PTK2: variants seen among roughly 807,000 people sequenced by gnomAD.
The protein encoded by PTK2 is protein tyrosine kinase 2.
Under a neutral mutation model 150.1 loss-of-function variants are expected in PTK2, and 45 were observed. That is an observed-to-expected ratio of 0.30 (90% CI 0.24 to 0.38). The LOEUF (loss-of-function observed/expected upper bound fraction) is 0.38. Ranked by LOEUF, PTK2 falls within the 10% of genes least tolerant of loss-of-function variation. The pLI is 1.00. For missense variants in PTK2, 919 were observed against 1,307.3 expected, an observed-to-expected ratio of 0.70 and a Z score of 4.58; for synonymous variants, 432 against 449.2, an observed-to-expected ratio of 0.96 and a Z score of 0.48.
At chr8:140,724,185 C>G (rs1319688226) in intron 22 of PTK2, among the ~76,000 whole-genome samples, 1 of 152,166 alleles carries the variant, frequency 6.6e-6, no homozygotes, top group Non-Finnish European at 1.5e-5. Flanking sequence ...GGAGATCCTG[C>G]CTACTTGAAC....
chr8:140,823,835 C>T (rs2100110310), intron 8 of PTK2, among the ~76,000 whole-genome samples: 1 of 152,166 alleles, frequency 6.6e-6, no homozygotes. Context: ...TGAGGCCAGG[C>T]CCTGTATTTT....
At chr8:140,685,730 C>A (rs1243579283) in intron 27 of PTK2, among the ~76,000 whole-genome samples, 1 of 152,094 alleles carries the variant, frequency 6.6e-6, no homozygotes, top group Non-Finnish European at 1.5e-5. Flanking sequence ...ATTAAAAAGT[C>A]AAAAAATTAA....
chr8:140,783,056 T>A lies in PTK2; in HGVS notation c.1177+6418A>T, dbSNP rs567347683. ...GAGTTTGAGACCAGCCTGGGCAACA[T>A]AGGGAGACCCCGTCTCTACAAAAAA... On this transcript the variant is annotated intron_variant, in intron 14 of 31. Transcript: ENST00000522684. Among the ~76,000 whole-genome samples the A allele has an allele frequency of 3.3e-5, 5 of 151,996 alleles. No individual in the cohort carries two copies. In the East Asian group the frequency reaches 9.7e-4, roughly 29 times the overall value.
chr8:140,966,642 T>C (rs1232059805), intron 1 of PTK2, among the ~76,000 whole-genome samples: 1 of 152,208 alleles, frequency 6.6e-6, no homozygotes, highest in Non-Finnish European at 1.5e-5. Context: ...AATTATAAAA[T>C]TAAAAGTCTT....
chr8:140,955,848 G>A (rs1359025899), intron 1 of PTK2, among the ~76,000 whole-genome samples: 2 of 152,216 alleles, frequency 1.3e-5, no homozygotes, highest in East Asian at 1.9e-4. Context: ...AGAAGGTGGA[G>A]GCATAAAGGA....
chr8:140,789,454 T>A lies in PTK2; in HGVS notation c.1177+20A>T, dbSNP rs2100087074. On this transcript the variant is annotated intron_variant, in intron 14 of 31. Coordinates refer to ENST00000522684, the Ensembl canonical transcript of PTK2. The stretch of plus-strand genomic sequence containing the variant: ...CCCCATGAGAGTGCTTTTCGAGGTC[T>A]GCTACCTAGAGCCCCTTACCTGACA... 1 of 1,611,340 alleles carries A rather than the reference T, an allele frequency of 6.2e-7. No individual in the cohort carries two copies. The highest frequency in any genetic ancestry group is 1.7e-5 in the Admixed American group (1 of 59,158).
chr8:140,974,278 C>T (rs1401096807), intron 1 of PTK2, among the ~76,000 whole-genome samples: 1 of 152,156 alleles, frequency 6.6e-6, no homozygotes, highest in Non-Finnish European at 1.5e-5. Context: ...ACTATTTACA[C>T]ATTTCTAATC....
At chr8:140,717,642 T>G in exon 23 of PTK2, 2 of 1,614,132 alleles carry the variant, frequency 1.2e-6, no homozygotes, top group Non-Finnish European at 1.7e-6. Flanking sequence ...CAGGACACTG[T>G]GGCCTGTCTT....
chr8:140,864,264 G>A lies in PTK2; in HGVS notation c.450+48C>T, dbSNP rs138506510. The A allele has an allele frequency of 5.4e-4, 594 of 1,093,428 alleles. 3 individuals are homozygous for A. The African/African-American group carries it at 8.8e-3, about 16-fold the overall frequency. The allele number at this position is 1,093,428 out of a possible 1,614,324, so 67.7% of individuals were successfully genotyped here. ...TGAAAATAAAAATATGCAATAAATA[G>A]GATTCAAAGAAACAAACAAAAAAGT... On this transcript the variant is annotated intron_variant, in intron 5 of 31. Coordinates refer to ENST00000522684, the Ensembl canonical transcript of PTK2.
chr8:140,866,872 AG>A (rs1369633098), intron 4 of PTK2, among the ~76,000 whole-genome samples: 1 of 152,252 alleles, frequency 6.6e-6, no homozygotes, highest in Non-Finnish European at 1.5e-5. Context: ...CAAATGATTA[AG>A]TATTATTTTT....
chr8:140,789,069 C>A (rs1462419951), intron 14 of PTK2, among the ~76,000 whole-genome samples: 2 of 152,124 alleles, frequency 1.3e-5, no homozygotes, highest in African/African-American at 4.8e-5. Flanking sequence ...TACTCAAACA[C>A]CATATTGTGA....
chr8:140,664,147 C>T (rs1028962953), intron 31 of PTK2, among the ~76,000 whole-genome samples: 2 of 152,102 alleles, frequency 1.3e-5, no homozygotes, highest in Non-Finnish European at 1.5e-5. Context: ...CCATGCCTAG[C>T]TACTTTTTGT....
chr8:140,916,270 G>A (rs1467850142), intron 2 of PTK2, among the ~76,000 whole-genome samples: 2 of 152,170 alleles, frequency 1.3e-5, no homozygotes, highest in Admixed American at 6.5e-5. Context: ...GGCAAACTGT[G>A]GCTTGTTTCT....
At chr8:140,724,864 A>C (rs562824605) in intron 22 of PTK2, among the ~76,000 whole-genome samples, 15 of 152,376 alleles carry the variant, frequency 9.8e-5, no homozygotes, top group African/African-American at 3.6e-4. Flanking sequence ...CATACCTGGA[A>C]GTAGCTGACC....
In PTK2 at chr8:140,961,478, A is replaced by G. The variant is rs1192193488; in HGVS notation, c.-121-35729T>C. Among the ~76,000 whole-genome samples, 3 of 151,920 alleles carry G rather than the reference A, an allele frequency of 2.0e-5. No homozygotes were observed. The East Asian group carries it at 5.8e-4, about 29-fold the overall frequency. ...AGATCGAGACCGTCCTGGCTAACAC[A>G]GTGAAACCCTGTCTCTACTAAAAAT... On this transcript the variant is annotated intron_variant, in intron 1 of 31. Transcript: ENST00000522684.
At chr8:140,776,660 C>T (rs765984528) in intron 14 of PTK2, among the ~76,000 whole-genome samples, 5 of 152,104 alleles carry the variant, frequency 3.3e-5, no homozygotes, top group African/African-American at 9.7e-5. Context: ...GCAGGCTTGG[C>T]GTGAATATCA....
At chr8:140,836,136 T>C (rs933477645) in intron 7 of PTK2, among the ~76,000 whole-genome samples, 6 of 152,154 alleles carry the variant, frequency 3.9e-5, no homozygotes, top group African/African-American at 1.2e-4. Flanking sequence ...ATGTTTAATA[T>C]TAGAAGTGTT....
exon 23 of PTK2, chr8:140,717,703 G>A: frequency 6.2e-7 from 1 of 1,613,422 alleles, no homozygotes. Context: ...CTTCCTCCAG[G>A]ATTGTGCTAG....
chr8:141,001,780 T>A (rs557764114), upstream of PTK2, among the ~76,000 whole-genome samples: 1 of 152,172 alleles, frequency 6.6e-6, no homozygotes, highest in Non-Finnish European at 1.5e-5. Flanking sequence ...CAGTGCACTC[T>A]CCAGGCACCA....
Sources: allele counts gnomAD v4.1 joint callset (sites outside exome capture counted in the v4.1 genomes callset), GRCh38; gene constraint gnomAD v4.1.1; transcripts MANE v1.5; gene names NCBI Gene and HGNC (gene_info 2026-07-23, HGNC 2026-07-21).